UNC5D: variants seen among roughly 807,000 people sequenced by gnomAD.
UNC5D encodes the protein unc-5 netrin receptor D, also known as netrin receptor UNC5D.
UNC5D carries 39 observed loss-of-function variants against 105.4 expected under a neutral mutation model. The observed-to-expected ratio is 0.37, with a 90% CI of 0.29 to 0.48. The LOEUF is 0.48. Ranked by LOEUF, UNC5D falls within the 20% of genes least tolerant of loss-of-function variation. The pLI is 0.98. For synonymous variants in UNC5D, 452 were observed against 450.4 expected (o/e 1.00, Z -0.04); for missense variants, 991 against 1,202.4 (o/e 0.82, Z 2.60).
At chr8:35,322,906 A>C (rs1809858586) in intron 1 of UNC5D, among the ~76,000 whole-genome samples, 1 of 152,132 alleles carries the variant, frequency 6.6e-6, no homozygotes, top group Non-Finnish European at 1.5e-5. Flanking sequence ...TTGCCACATA[A>C]TATCTAGTTA....
chr8:35,488,101 T>A (rs1010776423), intron 1 of UNC5D, among the ~76,000 whole-genome samples: 2 of 152,210 alleles, frequency 1.3e-5, no homozygotes, highest in East Asian at 3.9e-4. Flanking sequence ...ATTCTCAGCC[T>A]ATCTATATTG....
At chr8:35,331,221 T>C (rs189706263) in intron 1 of UNC5D, among the ~76,000 whole-genome samples, 44 of 152,238 alleles carry the variant, frequency 2.9e-4, no homozygotes, top group Non-Finnish European at 5.1e-4. Flanking sequence ...GAGAGTTATA[T>C]TGGGGGGCCA....
chr8:35,396,803 G>A (rs1391668671), intron 1 of UNC5D, among the ~76,000 whole-genome samples: 1 of 147,368 alleles, frequency 6.8e-6, no homozygotes, highest in African/African-American at 2.5e-5. Flanking sequence ...TGGTCCCAAG[G>A]TGGCTTTTTT....
At chr8:35,429,309 G>C (rs560247518) in intron 1 of UNC5D, among the ~76,000 whole-genome samples, 1 of 152,046 alleles carries the variant, frequency 6.6e-6, no homozygotes, top group Admixed American at 6.6e-5. Context: ...ATGAGATTAT[G>C]AATTAATTAA....
At chr8:35,710,852 C>A (rs1827891450) in intron 8 of UNC5D, among the ~76,000 whole-genome samples, 1 of 152,052 alleles carries the variant, frequency 6.6e-6, no homozygotes. Flanking sequence ...TCTTGCCCTG[C>A]ATCAGTTTAT....
intron 4 of UNC5D, among the ~76,000 whole-genome samples, chr8:35,629,336 A>G (rs1821892272): frequency 6.6e-6 from 1 of 151,802 alleles, no homozygotes; most frequent in Non-Finnish European, 1.5e-5. Context: ...GGCTGTTTGT[A>G]TTTCTTCTTT....
intron 1 of UNC5D, among the ~76,000 whole-genome samples, chr8:35,523,987 T>G (rs1273909900): frequency 1.0e-4 from 1 of 9,700 alleles, no homozygotes; most frequent in Non-Finnish European, 2.2e-4. Context: ...ACATACAAAC[T>G]GTCATAAGCC....
chr8:35,275,945 T>C (rs1223563012), intron 1 of UNC5D, among the ~76,000 whole-genome samples: 1 of 152,180 alleles, frequency 6.6e-6, no homozygotes, highest in Non-Finnish European at 1.5e-5. Context: ...GCCAGATAAA[T>C]GGGATATGTC....
intron 1 of UNC5D, among the ~76,000 whole-genome samples, chr8:35,528,792 G>A (rs1814094345): frequency 6.7e-6 from 1 of 149,480 alleles, no homozygotes; most frequent in African/African-American, 2.5e-5. Flanking sequence ...TTTCTCTGAT[G>A]GCCAGTGATG....
intron 1 of UNC5D, among the ~76,000 whole-genome samples, chr8:35,413,282 TG>T (rs1263955595): frequency 6.2e-3 from 132 of 21,458 alleles, no homozygotes; most frequent in Non-Finnish European, 0.011. Context: ...TGTGTGTGTG[TG>T]TGTGTGTGTT....
chr8:35,271,718 C>A (rs28495822), intron 1 of UNC5D, among the ~76,000 whole-genome samples: 12 of 45,534 alleles, frequency 2.6e-4, no homozygotes, highest in South Asian at 6.1e-4. Context: ...TATATTTATA[C>A]ATGTATACAT....
At chr8:35,284,234 C>T (rs921363076) in intron 1 of UNC5D, among the ~76,000 whole-genome samples, 1 of 152,114 alleles carries the variant, frequency 6.6e-6, no homozygotes, top group African/African-American at 2.4e-5. Flanking sequence ...GGGGCATAAG[C>T]AACTTTTATT....
intron 1 of UNC5D, among the ~76,000 whole-genome samples, chr8:35,489,147 C>T (rs138946196): frequency 5.3e-5 from 8 of 152,088 alleles, no homozygotes; most frequent in African/African-American, 1.7e-4. Flanking sequence ...GCTGGGACTA[C>T]AAGTCCGTGC....
At chr8:35,661,246 A>T (rs1412274237) in intron 4 of UNC5D, among the ~76,000 whole-genome samples, 1 of 152,154 alleles carries the variant, frequency 6.6e-6, no homozygotes, top group African/African-American at 2.4e-5. Context: ...AGAGGCATTT[A>T]TTGGAAAGGG....
rs147597860 is a variant in UNC5D, at chr8:35,374,387, G to A, written c.103+138500G>A. Among the ~76,000 whole-genome samples, 179 of 152,276 alleles carry A rather than the reference G, an allele frequency of 1.2e-3. 1 individual carries two copies. The highest frequency in any genetic ancestry group is 4.0e-3 in the African/African-American group (167 of 41,552). On this transcript the variant is annotated intron_variant, in intron 1 of 16. Coordinates refer to ENST00000404895, the MANE Select transcript of UNC5D (RefSeq NM_080872.4). ...TTTCAAAGGGTAGTGAGCCATTTCCGTTGAGCAAGAAAAGTTACTATGAAA... is the reference window on the plus strand; with the variant it reads ...TTTCAAAGGGTAGTGAGCCATTTCCATTGAGCAAGAAAAGTTACTATGAAA...
At chr8:35,633,391 C>T (rs1447959023) in intron 4 of UNC5D, among the ~76,000 whole-genome samples, 1 of 152,106 alleles carries the variant, frequency 6.6e-6, no homozygotes, top group Admixed American at 6.6e-5. Flanking sequence ...CACAACTTTC[C>T]AGTCTAATAT....
chr8:35,472,420 G>T (rs1563451437), intron 1 of UNC5D, among the ~76,000 whole-genome samples: 1 of 151,276 alleles, frequency 6.6e-6, no homozygotes. Context: ...TGGGAGGAAG[G>T]TACAAAAAAA....
chr8:35,455,281 C>CTT (rs55848948), intron 1 of UNC5D, among the ~76,000 whole-genome samples: 9 of 142,194 alleles, frequency 6.3e-5, no homozygotes, highest in East Asian at 2.1e-4. Flanking sequence ...GGAATGGATA[C>CTT]TTTTTTTTTT....
Position 35,402,715 on chromosome 8 carries a change from G to C in UNC5D, c.104-146577G>C, listed in dbSNP as rs1282417122. 2.6e-5 allele frequency among the ~76,000 whole-genome samples: 4 copies of C among 152,102 alleles called. No homozygotes were observed. The East Asian group carries it at 5.8e-4, about 22-fold the overall frequency. ...TGGAGGCATTAGGATTCTGCAGTAG[G>C]ATGCTTAGTTTCCTGCTACTGCTTC... On this transcript the variant is annotated intron_variant, in intron 1 of 16. Coordinates refer to ENST00000404895, the MANE Select transcript of UNC5D (RefSeq NM_080872.4).
Sources: gnomAD v4.1 joint callset for allele counts (sites outside exome capture counted in the v4.1 genomes callset) on GRCh38, gnomAD v4.1.1 for gene constraint, MANE v1.5 for transcripts, NCBI Gene and HGNC (gene_info 2026-07-23, HGNC 2026-07-21) for gene names.